Variants in KLF12 observed in about 807,000 individuals in gnomAD.
The protein encoded by KLF12 is KLF transcription factor 12, also known as Krueppel-like factor 12.
Under a neutral mutation model 37.8 loss-of-function variants are expected in KLF12, and 9 were observed. That is an observed-to-expected ratio of 0.24 (90% CI 0.14 to 0.42). The LOEUF is 0.42. Among genes scored for constraint, KLF12 ranks in the 10% least tolerant of loss-of-function variants. The pLI is 1.00. For synonymous variants in KLF12, 208 were observed against 202.1 expected (o/e 1.03, Z -0.25); for missense variants, 411 against 516.0 (o/e 0.80, Z 1.97).
chr13:74,103,543 C>T (rs930951517), intron 1 of KLF12, among the ~76,000 whole-genome samples: 3 of 152,170 alleles, frequency 2.0e-5, no homozygotes, highest in Non-Finnish European at 4.4e-5. Context: ...AGCCTAAGCA[C>T]ACCCCCCAGC....
rs554670660 is a variant in KLF12 at position 74,063,723 on chromosome 13, G to A, written c.-31-68670C>T. ...ATTTGAAATTTTTTTTACAGTATAA[G>A]GTACTCATGCACTAAAAAAGGTGTT... On this transcript the variant is annotated intron_variant, in intron 1 of 7. Coordinates refer to ENST00000377669, the MANE Select transcript of KLF12 (RefSeq NM_007249.5). Among the ~76,000 whole-genome samples the A allele has an allele frequency of 1.1e-3, 162 of 152,138 alleles. 1 individual carries two copies. The South Asian group carries it at 0.012, about 11-fold the overall frequency.
intron 3 of KLF12, among the ~76,000 whole-genome samples, chr13:73,858,540 C>A (rs1347743963): frequency 3.9e-5 from 6 of 152,168 alleles, no homozygotes; most frequent in Non-Finnish European, 8.8e-5. Context: ...TCAACAATTA[C>A]CTATCAGCAT....
the KLF12 span, among the ~76,000 whole-genome samples, chr13:74,228,468 G>T: frequency 4.6e-5 from 7 of 152,074 alleles, no homozygotes; most frequent in Non-Finnish European, 1.0e-4. Context: ...AGAATAGAAT[G>T]GAATTTTGAG....
At chr13:73,849,574 G>A (rs1455578961) in intron 3 of KLF12, among the ~76,000 whole-genome samples, 1 of 151,982 alleles carries the variant, frequency 6.6e-6, no homozygotes, top group Non-Finnish European at 1.5e-5. Context: ...ATTAGAGAAA[G>A]CGAGAGGAGA....
the KLF12 span, among the ~76,000 whole-genome samples, chr13:74,228,689 G>A: frequency 6.6e-6 from 1 of 152,018 alleles, no homozygotes; most frequent in East Asian, 1.9e-4. Flanking sequence ...ACAATCTGAT[G>A]TGACTTAAAT....
At chr13:74,230,735 A>G in the KLF12 span, among the ~76,000 whole-genome samples, 4 of 152,194 alleles carry the variant, frequency 2.6e-5, no homozygotes, top group Non-Finnish European at 5.9e-5. Context: ...TGCATGCACG[A>G]CTATCAAGTG....
chr13:73,913,000 C>G (rs554635027), intron 3 of KLF12, among the ~76,000 whole-genome samples: 1 of 151,648 alleles, frequency 6.6e-6, no homozygotes, highest in Non-Finnish European at 1.5e-5. Flanking sequence ...TCCAAGAAAC[C>G]TTCCCTTATT....
At chr13:74,177,108 A>G in the KLF12 span, among the ~76,000 whole-genome samples, 1 of 152,296 alleles carries the variant, frequency 6.6e-6, no homozygotes, top group Middle Eastern at 3.4e-3. Flanking sequence ...ATTTATCTGA[A>G]GTAAATTAAG....
At chr13:74,060,014 A>C (rs1201580051) in intron 1 of KLF12, among the ~76,000 whole-genome samples, 1 of 152,186 alleles carries the variant, frequency 6.6e-6, no homozygotes, top group Non-Finnish European at 1.5e-5. Context: ...TGTTGAATAG[A>C]GTGCCACTTC....
chr13:73,923,995 C>T (rs1404174027), intron 3 of KLF12, among the ~76,000 whole-genome samples: 4 of 152,216 alleles, frequency 2.6e-5, no homozygotes, highest in Admixed American at 1.3e-4. Flanking sequence ...GAATTTTTCA[C>T]TTTTCTCTTG....
chr13:74,216,493 C>A, the KLF12 span, among the ~76,000 whole-genome samples: 1 of 152,070 alleles, frequency 6.6e-6, no homozygotes. Context: ...AGCATGGTAG[C>A]CCTGAGTGAG....
At chr13:74,295,540 G>T in the KLF12 span, among the ~76,000 whole-genome samples, 2 of 152,176 alleles carry the variant, frequency 1.3e-5, no homozygotes, top group African/African-American at 4.8e-5. Flanking sequence ...GTAATGTGCT[G>T]TTGTGGTGTG....
At chr13:73,750,635 A>G (rs1028016796) in intron 6 of KLF12, among the ~76,000 whole-genome samples, 2 of 152,168 alleles carry the variant, frequency 1.3e-5, no homozygotes, top group African/African-American at 4.8e-5. Flanking sequence ...AGCATTTTTC[A>G]ATTTAATTTT....
At chr13:74,254,465 C>T in the KLF12 span, among the ~76,000 whole-genome samples, 22 of 152,040 alleles carry the variant, frequency 1.4e-4, no homozygotes, top group Non-Finnish European at 5.9e-5. Flanking sequence ...TGAGAACAAC[C>T]CAATAAGGCA....
At chr13:74,223,630 C>A in the KLF12 span, among the ~76,000 whole-genome samples, 1 of 151,822 alleles carries the variant, frequency 6.6e-6, no homozygotes, top group African/African-American at 2.4e-5. Context: ...TCCCTGTGGT[C>A]CAAAAAGCTC....
chr13:73,992,050 GGT>G (rs149736950), intron 2 of KLF12, among the ~76,000 whole-genome samples: 2,391 of 152,330 alleles, frequency 0.016, 50 homozygotes, highest in South Asian at 0.099. Flanking sequence ...GTTCATCAGA[GGT>G]AGTCGCAAAG....
chr13:74,273,793 G>A, the KLF12 span, among the ~76,000 whole-genome samples: 17 of 152,164 alleles, frequency 1.1e-4, no homozygotes, highest in Admixed American at 9.2e-4. Context: ...AATAGTACAA[G>A]GATTACATAA....
chr13:74,178,833 C>A, the KLF12 span, among the ~76,000 whole-genome samples: 4 of 152,220 alleles, frequency 2.6e-5, no homozygotes, highest in East Asian at 5.8e-4. Context: ...TCTTGCAATA[C>A]CTTCTTTCAC....
intron 6 of KLF12, among the ~76,000 whole-genome samples, chr13:73,716,977 A>G (rs1461124806): frequency 6.6e-6 from 1 of 152,194 alleles, no homozygotes; most frequent in African/African-American, 2.4e-5. Flanking sequence ...GCATTTTACA[A>G]TTGAAGACAT....
Sources: allele counts gnomAD v4.1 joint callset (sites outside exome capture counted in the v4.1 genomes callset), GRCh38; gene constraint gnomAD v4.1.1; transcripts MANE v1.5; gene names NCBI Gene and HGNC (gene_info 2026-07-23, HGNC 2026-07-21).